Variants in VPS8 observed in about 807,000 individuals in gnomAD.
VPS8 encodes the protein VPS8 subunit of CORVET complex.
VPS8 carries 129 observed loss-of-function variants against 216.4 expected under a neutral mutation model. The observed-to-expected ratio is 0.60, with a 90% CI of 0.52 to 0.69. VPS8 has a LOEUF of 0.69. Ranked by LOEUF, VPS8 falls within the 30% of genes least tolerant of loss-of-function variation. The pLI is 0.00. For synonymous variants in VPS8, 571 were observed against 565.4 expected, an observed-to-expected ratio of 1.01 and a Z score of -0.14; for missense variants, 1,531 against 1,683.5, an observed-to-expected ratio of 0.91 and a Z score of 1.59.
At chr3:184,849,267 A>C (rs1723800918) in intron 9 of VPS8, 72 bp downstream of exon 9, 1 of 1,541,644 alleles carries the variant, frequency 6.5e-7, no homozygotes, top group Non-Finnish European at 8.8e-7. Context: ...CTTACATCTT[A>C]GATCAAAGAC....
At chr3:184,966,270 C>G (rs1262771624) in intron 38 of VPS8, among the ~76,000 whole-genome samples, 1 of 152,118 alleles carries the variant, frequency 6.6e-6, no homozygotes, top group African/African-American at 2.4e-5. Flanking sequence ...AGGGGCGCAC[C>G]AAGCCATTCG....
intron 42 of VPS8, among the ~76,000 whole-genome samples, chr3:184,985,488 A>G (rs935939060): frequency 1.2e-4 from 18 of 152,338 alleles, no homozygotes; most frequent in African/African-American, 3.6e-4. Flanking sequence ...TGCTGATACA[A>G]CTATTCATAG....
intron 8 of VPS8, among the ~76,000 whole-genome samples, chr3:184,848,529 A>G (rs1184891033): frequency 9.4e-6 from 1 of 106,106 alleles, no homozygotes; most frequent in African/African-American, 3.4e-5. Context: ...ATTTTTTATT[A>G]TGCTTCCTTG....
intron 3 of VPS8, among the ~76,000 whole-genome samples, chr3:184,827,193 A>C (rs575326171): frequency 1.5e-4 from 23 of 152,316 alleles, no homozygotes; most frequent in African/African-American, 5.5e-4. Context: ...TTCTTTGCCT[A>C]TCCTGTGAGG....
In VPS8 at chr3:185,024,396, T is replaced by C; in HGVS notation, c.4056+7T>C. 6.3e-7 allele frequency: 1 copy of C among 1,592,466 alleles called. No individual in the cohort carries two copies. The highest frequency in any genetic ancestry group is 8.6e-7 in the Non-Finnish European group (1 of 1,168,400). Reference sequence around the variant, plus strand: ...GGATCCCACTGCTAAAAAGGTGAGTTTGTTTTAAAGGCAAAAAACCAGTTC... The same window carrying C: ...GGATCCCACTGCTAAAAAGGTGAGTCTGTTTTAAAGGCAAAAAACCAGTTC... On this transcript the variant is annotated splice_region_variant and intron_variant, in intron 46 of 47. Coordinates refer to ENST00000625842, the MANE Select transcript of VPS8 (RefSeq NM_001009921.3).
intron 25 of VPS8, among the ~76,000 whole-genome samples, chr3:184,902,667 T>C (rs1304756361): frequency 7.0e-6 from 1 of 142,866 alleles, no homozygotes; most frequent in Non-Finnish European, 1.5e-5. Flanking sequence ...CTATCTCTAC[T>C]ATAAATACAA....
At chr3:184,881,039 T>C (rs989971533) in intron 21 of VPS8, among the ~76,000 whole-genome samples, 1 of 152,132 alleles carries the variant, frequency 6.6e-6, no homozygotes, top group African/African-American at 2.4e-5. Context: ...ATTTTTAGGG[T>C]TTTAATATAT....
intron 7 of VPS8, chr3:184,840,317 G>C (rs1721884969): frequency 6.6e-6 from 1 of 152,072 alleles, no homozygotes; most frequent in Non-Finnish European, 1.5e-5. Context: ...TTCTACATGA[G>C]ACTAAATGAC....
At chr3:184,853,021 T>C (rs985889673) in intron 11 of VPS8, among the ~76,000 whole-genome samples, 4 of 152,182 alleles carry the variant, frequency 2.6e-5, no homozygotes, top group African/African-American at 7.2e-5. Context: ...GAACATAATA[T>C]TCATTGAATA....
At chr3:184,889,070 A>G (rs187564305) in intron 22 of VPS8, among the ~76,000 whole-genome samples, 2 of 152,232 alleles carry the variant, frequency 1.3e-5, no homozygotes, top group Admixed American at 6.5e-5. Context: ...TCTTTTTTAT[A>G]TGATTTGGAA....
chr3:184,991,097 G>A (rs1360985364), intron 42 of VPS8, among the ~76,000 whole-genome samples: 2 of 152,200 alleles, frequency 1.3e-5, no homozygotes, highest in Admixed American at 1.3e-4. Flanking sequence ...AGACTCTCCT[G>A]TTCAGGGCAT....
intron 1 of VPS8, among the ~76,000 whole-genome samples, chr3:184,818,868 G>C (rs1264130887): frequency 2.1e-5 from 3 of 142,156 alleles, no homozygotes; most frequent in Non-Finnish European, 4.4e-5. Context: ...TGTTTCCCAA[G>C]GTGAAAACTG....
intron 45 of VPS8, among the ~76,000 whole-genome samples, chr3:185,013,838 A>G (rs1033769646): frequency 2.0e-5 from 3 of 152,230 alleles, no homozygotes; most frequent in East Asian, 1.9e-4. Flanking sequence ...CAGATGTGCA[A>G]TTTAAGCTAA....
rs1714466307 is a variant in VPS8 at position 185,052,595 on chromosome 3, G to GT, written c.*573dup. On this transcript the variant is annotated 3_prime_UTR_variant, in exon 48 of 48. Coordinates refer to ENST00000625842, the MANE Select transcript of VPS8 (RefSeq NM_001009921.3). ...CCCTTTCTAACAATAAATGCTCCGT[G>GT]TTTAAGTTCTGCAGGTCTCCTGGCT... 1 of 147,538 alleles carries GT rather than the reference G, an allele frequency of 6.8e-6. No individual in the cohort carries two copies. The highest frequency in any genetic ancestry group is 1.5e-5 in the Non-Finnish European group (1 of 67,252). The allele number at this position is 147,538 out of a possible 1,614,324, so 9.1% of individuals were successfully genotyped here. A position where few individuals can be genotyped will look rare whatever the true frequency, so the allele number is the denominator to read the frequency against.
chr3:184,854,530 A>G (rs954860783), intron 13 of VPS8, among the ~76,000 whole-genome samples: 5 of 152,174 alleles, frequency 3.3e-5, no homozygotes, highest in African/African-American at 1.2e-4. Flanking sequence ...GGCATTTCCT[A>G]GCTTCATTCG....
intron 22 of VPS8, among the ~76,000 whole-genome samples, chr3:184,892,952 T>G (rs1732649057): frequency 6.6e-6 from 1 of 152,232 alleles, no homozygotes; most frequent in South Asian, 2.1e-4. Context: ...TACTTTTTCT[T>G]TCTTACAGTA....
At chr3:184,999,247 C>T (rs1231019944) in intron 44 of VPS8, among the ~76,000 whole-genome samples, 4 of 152,050 alleles carry the variant, frequency 2.6e-5, no homozygotes, top group South Asian at 2.1e-4. Context: ...TTAGTAGAGA[C>T]GGGGTTTCAC....
chr3:184,883,294 C>A (rs1010763583), intron 21 of VPS8, among the ~76,000 whole-genome samples: 1 of 152,122 alleles, frequency 6.6e-6, no homozygotes, highest in African/African-American at 2.4e-5. Context: ...TCATTGTTTC[C>A]TCTGATAACT....
intron 8 of VPS8, among the ~76,000 whole-genome samples, chr3:184,847,488 G>C (rs1409673463): frequency 6.6e-6 from 1 of 152,176 alleles, no homozygotes. Flanking sequence ...ATTCACTCAT[G>C]ATCTTAGCCC....
Sources: allele counts gnomAD v4.1 joint callset (sites outside exome capture counted in the v4.1 genomes callset), GRCh38; gene constraint gnomAD v4.1.1; transcripts MANE v1.5; gene names NCBI Gene and HGNC (gene_info 2026-07-23, HGNC 2026-07-21).